NAALADL2: variants seen among roughly 807,000 people sequenced by gnomAD.
NAALADL2 encodes inactive N-acetylated-alpha-linked acidic dipeptidase-like protein 2.
Under a neutral mutation model 87.2 loss-of-function variants are expected in NAALADL2, and 76 were observed. The observed-to-expected ratio is 0.87, with a 90% confidence interval of 0.72 to 1.05. The LOEUF (loss-of-function observed/expected upper bound fraction) is 1.05, where lower values mean the gene tolerates loss of function less well. Ranked by LOEUF, NAALADL2 falls within the 50% of genes least tolerant of loss-of-function variation. The pLI, the probability that NAALADL2 is intolerant of heterozygous loss-of-function variation, is 0.00. For synonymous variants in NAALADL2, 354 were observed against 331.0 expected, an observed-to-expected ratio of 1.07 and a Z score of -0.75; for missense variants, 1,089 against 945.8, an observed-to-expected ratio of 1.15 and a Z score of -1.99.
chr3:175,171,762 C>G (rs1734865558), intron 2 of NAALADL2, among the ~76,000 whole-genome samples: 1 of 152,026 alleles, frequency 6.6e-6, no homozygotes, highest in African/African-American at 2.4e-5. Context: ...TTTACAGCAA[C>G]ATGGATGAAC....
At chr3:174,454,644 G>A (rs1271757919) in intron 1 of NAALADL2, among the ~76,000 whole-genome samples, 1 of 152,106 alleles carries the variant, frequency 6.6e-6, no homozygotes, top group Non-Finnish European at 1.5e-5. Context: ...TGACTTTTGT[G>A]TCAATAATGA....
intron 1 of NAALADL2, among the ~76,000 whole-genome samples, chr3:175,086,323 T>C (rs1303969178): frequency 6.6e-5 from 10 of 152,062 alleles, no homozygotes; most frequent in African/African-American, 2.2e-4. Context: ...ACAGTGAAAC[T>C]TGTAAGAATA....
intron 13 of NAALADL2, among the ~76,000 whole-genome samples, chr3:175,780,062 A>C (rs925240785): frequency 6.6e-6 from 1 of 151,828 alleles, no homozygotes; most frequent in African/African-American, 2.4e-5. Context: ...AGGTCAGTAG[A>C]TCGAGACCAT....
rs756191476 is a variant in NAALADL2 at position 175,576,127 on chromosome 3, C to T, written c.1740C>T (p.Phe580=). ...AGATACAAGGTGATGCTGATTATTT[C>T]ATCAACCATCTTGGAGTTCCCATCG... is the stretch of plus-strand genomic sequence containing the variant. ...SIQIQGDADY[F]INHLGVPIVQ... The change falls in exon 10 of 14, where the codon TTC becomes TTT. Residue 580 remains phenylalanine (F), a synonymous_variant. Coordinates refer to ENST00000454872, the MANE Select transcript of NAALADL2 (RefSeq NM_207015.3). The T allele has an allele frequency of 1.6e-5, 26 of 1,613,500 alleles. No individual in the cohort carries two copies. The highest frequency in any genetic ancestry group is 2.1e-5 in the Non-Finnish European group (25 of 1,179,572).
At chr3:174,823,192 T>G (rs900715831) in intron 3 of NAALADL2, among the ~76,000 whole-genome samples, 5 of 152,050 alleles carry the variant, frequency 3.3e-5, no homozygotes. Flanking sequence ...AGTTTTCCTT[T>G]TTGTTGTTGT....
At chr3:175,335,069 C>G (rs891998303) in intron 5 of NAALADL2, among the ~76,000 whole-genome samples, 1 of 152,138 alleles carries the variant, frequency 6.6e-6, no homozygotes, top group African/African-American at 2.4e-5. Flanking sequence ...ACAACAGGCT[C>G]TCTCTTGACA....
chr3:174,678,452 A>G (rs1727244843), intron 2 of NAALADL2, among the ~76,000 whole-genome samples: 1 of 152,030 alleles, frequency 6.6e-6, no homozygotes, highest in African/African-American at 2.4e-5. Context: ...AGGATGCCAA[A>G]TTTTTTTCCA....
chr3:175,377,515 C>G (rs1349812214), intron 5 of NAALADL2, among the ~76,000 whole-genome samples: 1 of 152,084 alleles, frequency 6.6e-6, no homozygotes, highest in Non-Finnish European at 1.5e-5. Flanking sequence ...CAGATTTTGT[C>G]TCATTCCTTT....
At chr3:174,548,449 A>C (rs1711650937) in intron 1 of NAALADL2, among the ~76,000 whole-genome samples, 3 of 152,206 alleles carry the variant, frequency 2.0e-5, no homozygotes, top group Admixed American at 1.3e-4. Context: ...AATTATAGAC[A>C]ATTTAAATGT....
intron 4 of NAALADL2, among the ~76,000 whole-genome samples, chr3:175,277,682 C>T (rs1206058668): frequency 1.3e-5 from 2 of 152,092 alleles, no homozygotes; most frequent in East Asian, 3.9e-4. Flanking sequence ...CTTTACTGAT[C>T]ATAAAGACCA....
intron 1 of NAALADL2, among the ~76,000 whole-genome samples, chr3:174,930,613 A>ATTTTTTTTTTTT (rs1188907600): frequency 2.0e-5 from 2 of 99,774 alleles, no homozygotes; most frequent in African/African-American, 8.8e-5. Context: ...AATAAGATGA[A>ATTTTTTTTTTTT]CTTTTTTTTT....
chr3:175,718,797 C>T (rs1457106165), intron 11 of NAALADL2: 2 of 675,158 alleles, frequency 3.0e-6, no homozygotes, highest in East Asian at 5.5e-5. Flanking sequence ...CATGGTGACG[C>T]ACACACCACT....
chr3:174,836,610 G>A (rs895443128), intron 3 of NAALADL2, among the ~76,000 whole-genome samples: 1 of 150,522 alleles, frequency 6.6e-6, no homozygotes, highest in Non-Finnish European at 1.5e-5. Context: ...TCGGGAGACC[G>A]AGGCAGAAGA....
intron 2 of NAALADL2, among the ~76,000 whole-genome samples, chr3:175,131,620 C>CCATTGT (rs1258673116): frequency 3.9e-5 from 6 of 152,234 alleles, no homozygotes; most frequent in African/African-American, 1.4e-4. Flanking sequence ...CACAAAACCG[C>CCATTGT]CATTGTCATC....
intron 5 of NAALADL2, among the ~76,000 whole-genome samples, chr3:175,442,055 C>A (rs1216632581): frequency 6.6e-6 from 1 of 152,142 alleles, no homozygotes. Context: ...GATTGTCCTG[C>A]CTCAGCCTCC....
chr3:174,595,195 T>C (rs1578257071), intron 2 of NAALADL2, among the ~76,000 whole-genome samples: 1 of 152,114 alleles, frequency 6.6e-6, no homozygotes. Context: ...AGGGTGCCAC[T>C]CCTTCCAGCC....
intron 9 of NAALADL2, among the ~76,000 whole-genome samples, chr3:175,476,579 C>CA (rs966618735): frequency 4.5e-4 from 68 of 152,158 alleles, no homozygotes; most frequent in Non-Finnish European, 9.0e-4. Flanking sequence ...AACAAACAAA[C>CA]AAAAAACAGT....
intron 13 of NAALADL2, among the ~76,000 whole-genome samples, chr3:175,765,987 G>A (rs1288013739): frequency 6.6e-6 from 1 of 152,024 alleles, no homozygotes; most frequent in African/African-American, 2.4e-5. Flanking sequence ...GCATACATTT[G>A]ATCCAAATTA....
At chr3:174,510,077 G>T (rs1300548293) in intron 1 of NAALADL2, among the ~76,000 whole-genome samples, 2 of 151,538 alleles carry the variant, frequency 1.3e-5, no homozygotes, top group African/African-American at 2.4e-5. Context: ...AGTCCATCTT[G>T]CATTCACTTA....
Sources: gnomAD v4.1 joint callset for allele counts (sites outside exome capture counted in the v4.1 genomes callset) on GRCh38, gnomAD v4.1.1 for gene constraint, MANE v1.5 for transcripts, NCBI Gene and HGNC (gene_info 2026-07-23, HGNC 2026-07-21) for gene names.